ZNF610: variants seen among roughly 807,000 people sequenced by gnomAD.
The protein encoded by ZNF610 is zink finger protein.
In ZNF610, 14 loss-of-function variants were observed where a neutral mutation model predicts 14.1. The observed-to-expected ratio is 0.99, with a 90% CI of 0.65 to 1.55. The LOEUF (loss-of-function observed/expected upper bound fraction) is 1.55. ZNF610 is among the 40% of genes most tolerant of loss of function. ZNF610 has a pLI of 0.00. For missense variants in ZNF610, 530 were observed against 558.0 expected (o/e 0.95, Z 0.51); for synonymous variants, 185 against 187.6 (o/e 0.99, Z 0.11).
At chr19:52,342,214 A>G (rs1984720346) in intron 1 of ZNF610, among the ~76,000 whole-genome samples, 1 of 152,170 alleles carries the variant, frequency 6.6e-6, no homozygotes, top group Non-Finnish European at 1.5e-5. Flanking sequence ...AAATGTATCC[A>G]GATGGAGGCA....
intron 1 of ZNF610, among the ~76,000 whole-genome samples, chr19:52,338,913 C>T (rs1010957377): frequency 2.0e-5 from 3 of 146,842 alleles, no homozygotes; most frequent in East Asian, 2.0e-4. Flanking sequence ...GCTCAGCATA[C>T]GGAGGACCCG....
At chr19:52,356,442 G>T (rs184707933) in intron 5 of ZNF610, among the ~76,000 whole-genome samples, 1 of 152,126 alleles carries the variant, frequency 6.6e-6, no homozygotes, top group African/African-American at 2.4e-5. Flanking sequence ...AAATTAACTT[G>T]GTTTTTGTAT....
In ZNF610 at chr19:52,357,569, C is replaced by T. The variant is rs935817129; in HGVS notation, c.319+3190C>T. On this transcript the variant is annotated intron_variant, in intron 5 of 5. Transcript: ENST00000403906. ...CTGAGCCCGGAGAATGGCCTGAACC[C>T]GGGAGGCGGAGCTTGCAGTGAGCGG... 4.1e-5 allele frequency among the ~76,000 whole-genome samples: 6 copies of T among 147,166 alleles called. No individual in the cohort carries two copies. In the East Asian group the frequency reaches 6.1e-4, roughly 15 times the overall value.
chr19:52,351,458 A>G (rs1450467012), intron 3 of ZNF610, among the ~76,000 whole-genome samples: 1 of 136,752 alleles, frequency 7.3e-6, no homozygotes, highest in Non-Finnish European at 1.5e-5. Flanking sequence ...TGTCTCAAAG[A>G]AAAAAAAAAA....
At chr19:52,330,675 G>A in the ZNF610 span, among the ~76,000 whole-genome samples, 3 of 152,094 alleles carry the variant, frequency 2.0e-5, no homozygotes, top group South Asian at 2.1e-4. Flanking sequence ...TGCAGGACAC[G>A]CTGAGGTCTG....
At chr19:52,349,982 A>G (rs549543383) in intron 3 of ZNF610, among the ~76,000 whole-genome samples, 11 of 152,254 alleles carry the variant, frequency 7.2e-5, no homozygotes, top group African/African-American at 2.4e-4. Context: ...CACCTTTCCT[A>G]CTTTCTAATG....
At chr19:52,361,811 G>A (rs1985795452) in intron 5 of ZNF610, among the ~76,000 whole-genome samples, 1 of 151,782 alleles carries the variant, frequency 6.6e-6, no homozygotes, top group Admixed American at 6.6e-5. Flanking sequence ...TGACTTTAGT[G>A]CTTCTCTCTT....
upstream of ZNF610, among the ~76,000 whole-genome samples, chr19:52,331,882 T>A (rs1045405461): frequency 2.0e-5 from 3 of 152,132 alleles, no homozygotes; most frequent in Admixed American, 2.0e-4. Flanking sequence ...CTTTGTTCAA[T>A]CCCCCTAGGT....
intron 5 of ZNF610, among the ~76,000 whole-genome samples, chr19:52,363,632 AC>A (rs1985890136): frequency 6.6e-6 from 1 of 152,008 alleles, no homozygotes; most frequent in Non-Finnish European, 1.5e-5. Context: ...TCTTTCTTAT[AC>A]TGGTTATTGA....
Position 52,365,693 on chromosome 19 carries a change from T to C in ZNF610, c.320-5T>C. ...GTTCATGTTCTACTCTTTCTTCTTT[T>C]CTAGGGAGGAGCTGTGTATTGGGAA... is the stretch of plus-strand genomic sequence containing the variant. On this transcript the variant is annotated splice_region_variant and splice_polypyrimidine_tract_variant and intron_variant, in intron 5 of 5. Transcript: ENST00000403906. 1.9e-6 allele frequency: 3 copies of C among 1,591,442 alleles called. No homozygotes were observed. In the African/African-American group the frequency reaches 4.1e-5, roughly 22 times the overall value.
In ZNF610 at chr19:52,354,186, C is replaced by G. The variant is rs1228982251; in HGVS notation, c.191-65C>G. On this transcript the variant is annotated intron_variant, in intron 4 of 5. Coordinates refer to ENST00000403906, the MANE Select transcript of ZNF610 (RefSeq NM_001161425.2). ...CCATTTGCGATATCCCCTCTCTTAC[C>G]TAAACACAGGGTTTGGGTTTTGGAA... is the stretch of plus-strand genomic sequence containing the variant. 1.9e-5 allele frequency: 30 copies of G among 1,595,044 alleles called. No individual in the cohort carries two copies. In the Admixed American group the frequency reaches 2.8e-4, roughly 15 times the overall value.
intron 5 of ZNF610, among the ~76,000 whole-genome samples, chr19:52,358,766 G>A (rs1985648761): frequency 6.6e-6 from 1 of 152,126 alleles, no homozygotes. Context: ...ATTTTTTCTA[G>A]GAGTTTTATG....
chr19:52,340,377 T>C (rs552931790), intron 1 of ZNF610, among the ~76,000 whole-genome samples: 1 of 152,234 alleles, frequency 6.6e-6, no homozygotes, highest in African/African-American at 2.4e-5. Context: ...TGAAACTCCG[T>C]CTCAAACATG....
At chr19:52,337,076 G>C (rs1459699364) in intron 1 of ZNF610, among the ~76,000 whole-genome samples, 2 of 152,180 alleles carry the variant, frequency 1.3e-5, no homozygotes, top group African/African-American at 4.8e-5. Flanking sequence ...ATGTAGCAGG[G>C]GGAGAAAAGT....
At chr19:52,362,148 C>A (rs752016148) in intron 5 of ZNF610, among the ~76,000 whole-genome samples, 3 of 152,164 alleles carry the variant, frequency 2.0e-5, no homozygotes, top group Non-Finnish European at 4.4e-5. Context: ...TATGGGATTA[C>A]GCCTGTAATC....
chr19:52,350,386 A>G (rs1985191897), intron 3 of ZNF610, among the ~76,000 whole-genome samples: 1 of 152,114 alleles, frequency 6.6e-6, no homozygotes, highest in Non-Finnish European at 1.5e-5. Flanking sequence ...AAATATATTT[A>G]TACAGCATTG....
intron 3 of ZNF610, among the ~76,000 whole-genome samples, chr19:52,352,744 T>C (rs1486292880): frequency 6.6e-6 from 1 of 152,128 alleles, no homozygotes; most frequent in Non-Finnish European, 1.5e-5. Context: ...CACAGACCAG[T>C]GCCCTGTTTC....
chr19:52,332,362 G>C (rs1398210942), upstream of ZNF610, among the ~76,000 whole-genome samples: 1 of 152,210 alleles, frequency 6.6e-6, no homozygotes, highest in Admixed American at 6.5e-5. The surrounding 1 kb of genome is among the most constrained non-coding windows in gnomAD (Gnocchi z 4.1). Context: ...GGATAGAGCA[G>C]GAGATGGATT....
chr19:52,344,828 G>A (rs552784798), intron 1 of ZNF610, among the ~76,000 whole-genome samples: 1 of 152,300 alleles, frequency 6.6e-6, no homozygotes, highest in East Asian at 1.9e-4. Context: ...CATTGCCCAG[G>A]CTGGAACGCA....
Sources: allele counts gnomAD v4.1 joint callset (sites outside exome capture counted in the v4.1 genomes callset), GRCh38; gene constraint gnomAD v4.1.1; non-coding constraint Gnocchi (gnomAD v3.1); transcripts MANE v1.5; gene names NCBI Gene and HGNC (gene_info 2026-07-23, HGNC 2026-07-21).